C19orf38: variants seen among roughly 807,000 people sequenced by gnomAD.
C19orf38 encodes chromosome 19 open reading frame 38.
Under a neutral mutation model 26.6 loss-of-function variants are expected in C19orf38, and 14 were observed. That is an observed-to-expected ratio of 0.53 (90% CI 0.35 to 0.82). The LOEUF (loss-of-function observed/expected upper bound fraction) is 0.82, where lower values mean the gene tolerates loss of function less well. C19orf38 is among the 40% of genes least tolerant of loss of function. C19orf38 has a pLI of 0.01. For missense variants in C19orf38, 261 were observed against 299.5 expected, an observed-to-expected ratio of 0.87 and a Z score of 0.95; for synonymous variants, 132 against 128.5, an observed-to-expected ratio of 1.03 and a Z score of -0.18.
In C19orf38 at chr19:10,849,133, C is replaced by G. The variant is rs902768545; in HGVS notation, c.31+594C>G. ...CCTCCCCTTCCTGCCACCCACCTCA[C>G]TCACCCCCTCCCTCCTGCCATGATG... On this transcript the variant is annotated intron_variant, in intron 1 of 6. Coordinates refer to ENST00000397820, the MANE Select transcript of C19orf38 (RefSeq NM_001136482.3). 2.0e-5 allele frequency among the ~76,000 whole-genome samples: 3 copies of G among 151,918 alleles called. No individual in the cohort carries two copies. In the South Asian group the frequency reaches 6.2e-4, roughly 32 times the overall value.
In C19orf38 at chr19:10,869,214, A is replaced by C. The variant is rs2073779585; in HGVS notation, c.544-4A>C. Reference sequence around the variant, plus strand: ...CTTCTGTGTTTCTTCTTACATGGACAAAGAAAACGATGCCAGAAGAAGACC... The same window carrying C: ...CTTCTGTGTTTCTTCTTACATGGACCAAGAAAACGATGCCAGAAGAAGACC... On this transcript the variant is annotated splice_polypyrimidine_tract_variant and splice_region_variant and intron_variant, in intron 6 of 6. Transcript: ENST00000397820. The C allele has an allele frequency of 6.4e-7, 1 of 1,551,624 alleles. No homozygotes were observed. Among genetic ancestry groups the C allele is most frequent in the African/African-American group, 1.4e-5 (1 of 73,146 alleles).
chr19:10,859,744 C>T (rs2073677411), intron 4 of C19orf38, among the ~76,000 whole-genome samples, 171 bp from the exon 5 acceptor site: 1 of 152,044 alleles, frequency 6.6e-6, no homozygotes, highest in Non-Finnish European at 1.5e-5. Context: ...AGTGTGACAG[C>T]TCCAGAAATC....
Position 10,848,529 on chromosome 19 carries a change from C to G in C19orf38, c.21C>G (p.Leu7=). 1.3e-6 allele frequency: 2 copies of G among 1,551,660 alleles called. No homozygotes were observed. Among genetic ancestry groups the G allele is most frequent in the South Asian group, 2.4e-5 (2 of 84,054 alleles). MPWTIL[L]FAAGSLAIPA... is the part of the protein sequence containing the mutation. ...GAGAGATGCCCTGGACCATCTTGCT[C>G]TTTGCAGCTGGTGAGTCTGAAGCCC... Residue 7 remains leucine (L), a synonymous_variant, in exon 1 of 7, where the codon CTC becomes CTG. Transcript: ENST00000397820.
chr19:10,859,344 G>GTA (rs2073668064), intron 4 of C19orf38, among the ~76,000 whole-genome samples: 4 of 48,494 alleles, frequency 8.2e-5, no homozygotes, highest in South Asian at 1.5e-3. Flanking sequence ...GTGTGTGTGT[G>GTA]TGTGTATATA....
Position 10,850,521 on chromosome 19 carries a change from G to A in C19orf38, c.294G>A (p.Gln98=). ...ATGGAGTGTTAGGTGAGCTCAACCAGTCCCAGCTGTCAGACCTCAGCGAGC... is the reference window on the plus strand; with the variant it reads ...ATGGAGTGTTAGGTGAGCTCAACCAATCCCAGCTGTCAGACCTCAGCGAGC... ...CQYGVLGELN[Q]SQLSDLSEPV... The change falls in exon 2 of 7, where the codon CAG becomes CAA. Residue 98 remains glutamine (Q), a synonymous_variant. Coordinates refer to ENST00000397820, the MANE Select transcript of C19orf38 (RefSeq NM_001136482.3). 6.4e-7 allele frequency: 1 copy of A among 1,551,606 alleles called. No individual in the cohort carries two copies. Among genetic ancestry groups the A allele is most frequent in the Non-Finnish European group, 8.7e-7 (1 of 1,146,970 alleles).
rs574731892 is a variant in C19orf38 at position 10,859,080 on chromosome 19, G to A, written c.461+737G>A. On this transcript the variant is annotated intron_variant, in intron 4 of 6. Coordinates refer to ENST00000397820, the MANE Select transcript of C19orf38 (RefSeq NM_001136482.3). ...AGCCTCCTGAGCAGCTGGGATTACA[G>A]GCATGTGCCACCACACCCGGCTAAT... 2.1e-3 allele frequency among the ~76,000 whole-genome samples: 317 copies of A among 151,396 alleles called. 2 individuals carry two copies. Among genetic ancestry groups the A allele is most frequent in the African/African-American group, 7.4e-3 (305 of 41,274 alleles).
At chr19:10,844,254 AATT>A (rs1355174098), upstream of C19orf38, among the ~76,000 whole-genome samples, 3 of 150,428 alleles carry the variant, frequency 2.0e-5, no homozygotes. Flanking sequence ...AAAATACAAA[AATT>A]AGCCAGGCAT....
chr19:10,839,517 C>T (rs554258889), intron 1 of C19orf38, among the ~76,000 whole-genome samples: 2 of 152,274 alleles, frequency 1.3e-5, no homozygotes, highest in African/African-American at 4.8e-5. Flanking sequence ...CTTTGCCCCC[C>T]GCCTCTCAAC....
intron 1 of C19orf38, among the ~76,000 whole-genome samples, chr19:10,843,065 T>C (rs2073490929): frequency 6.6e-6 from 1 of 152,196 alleles, no homozygotes; most frequent in Admixed American, 6.5e-5. Flanking sequence ...TCTTTCAGTG[T>C]GGCTGGATCC....
intron 5 of C19orf38, 130 bp downstream of exon 5, chr19:10,860,088 G>A (rs1308948868): frequency 9.9e-6 from 9 of 909,802 alleles, no homozygotes; most frequent in South Asian, 3.0e-5. Flanking sequence ...ACACACCCTC[G>A]CCACCTCTTC....
intron 1 of C19orf38, among the ~76,000 whole-genome samples, chr19:10,849,333 T>C (rs1221236394): frequency 1.3e-5 from 2 of 152,078 alleles, no homozygotes; most frequent in African/African-American, 2.4e-5. Context: ...TGCTCCTCCT[T>C]AAACACCCCC....
In C19orf38 at chr19:10,848,459, CT is replaced by C. The variant is rs1447439971; in HGVS notation, c.-48del. 6.5e-7 allele frequency: 1 copy of C among 1,548,930 alleles called. No homozygotes were observed. Among genetic ancestry groups the C allele is most frequent in the Non-Finnish European group, 8.7e-7 (1 of 1,144,578 alleles). ...CTCACAGGAGGAGTTGGCGGGGAGC[CT>C]TGGGCCCCTCTGGCCTCAGCCGGAT... On this transcript the variant is annotated 5_prime_UTR_variant, in exon 1 of 7. Coordinates refer to ENST00000397820, the MANE Select transcript of C19orf38 (RefSeq NM_001136482.3).
intron 5 of C19orf38, among the ~76,000 whole-genome samples, chr19:10,861,620 C>T (rs551174020): frequency 6.6e-6 from 1 of 152,210 alleles, no homozygotes; most frequent in South Asian, 2.1e-4. Context: ...TTGTGTCGCC[C>T]AGGTTGGAGT....
intron 2 of C19orf38, among the ~76,000 whole-genome samples, chr19:10,853,311 C>T: frequency 6.6e-6 from 1 of 151,960 alleles, no homozygotes; most frequent in Non-Finnish European, 1.5e-5. Context: ...TCACTGCAAT[C>T]TCTACCTCCG....
upstream of C19orf38, among the ~76,000 whole-genome samples, chr19:10,847,426 T>G (rs1599657811): frequency 6.8e-6 from 1 of 146,210 alleles, no homozygotes; most frequent in East Asian, 2.0e-4. Flanking sequence ...CAGGCTGGAG[T>G]GCAATGGCGC....
At chr19:10,858,589 A>G (rs1260317017) in intron 4 of C19orf38, among the ~76,000 whole-genome samples, 4 of 152,156 alleles carry the variant, frequency 2.6e-5, no homozygotes, top group Non-Finnish European at 4.4e-5. Context: ...CCTATTTTAC[A>G]GAAGAGAGGA....
chr19:10,842,502 C>T (rs879862882), intron 1 of C19orf38, among the ~76,000 whole-genome samples: 5 of 152,004 alleles, frequency 3.3e-5, no homozygotes, highest in Non-Finnish European at 5.9e-5. Flanking sequence ...CCTCGTGATC[C>T]GTCGGCCTTG....
intron 5 of C19orf38, 48 bp downstream of exon 5, chr19:10,860,006 C>T (rs2073680163): frequency 2.6e-6 from 4 of 1,514,922 alleles, no homozygotes; most frequent in Non-Finnish European, 3.6e-6. Context: ...GATTACACCT[C>T]CAAATGCCAT....
intron 6 of C19orf38, 145 bp from the exon 7 acceptor site, chr19:10,869,073 A>G: frequency 2.0e-6 from 2 of 1,025,306 alleles, no homozygotes; most frequent in Non-Finnish European, 2.9e-6. Context: ...AGGAGAAGGG[A>G]AGACCAGGAC....
Sources: allele counts gnomAD v4.1 joint callset (sites outside exome capture counted in the v4.1 genomes callset), GRCh38; gene constraint gnomAD v4.1.1; transcripts MANE v1.5; gene names NCBI Gene and HGNC (gene_info 2026-07-23, HGNC 2026-07-21).